The following FRAS1 variants were observed in gnomAD, a reference collection of about 807,000 sequenced individuals.
FRAS1 encodes the protein extracellular matrix organizing protein FRAS1.
FRAS1 carries 290 observed loss-of-function variants against 435.2 expected under a neutral mutation model. The ratio of observed to expected loss-of-function variants is 0.67; its 90% CI spans 0.61 to 0.73. The LOEUF (loss-of-function observed/expected upper bound fraction) is 0.73, where lower values mean the gene tolerates loss of function less well. FRAS1 is among the 30% of genes least tolerant of loss of function. FRAS1 has a pLI of 0.00. For missense variants in FRAS1, 4,860 were observed against 5,001.5 expected (o/e 0.97, Z 0.85); for synonymous variants, 1,800 against 1,851.0 (o/e 0.97, Z 0.71).
chr4:78,150,281 A>G (rs1720591272), intron 2 of FRAS1, among the ~76,000 whole-genome samples: 1 of 152,178 alleles, frequency 6.6e-6, no homozygotes, highest in South Asian at 2.1e-4. Context: ...GTAGTTTTCA[A>G]ACTTCTTTTA....
At chr4:78,319,849 A>G (rs1456175154) in intron 18 of FRAS1, among the ~76,000 whole-genome samples, 1 of 152,236 alleles carries the variant, frequency 6.6e-6, no homozygotes, top group Non-Finnish European at 1.5e-5. Context: ...AGACTAGGTT[A>G]AAAGATTTCA....
intron 2 of FRAS1, among the ~76,000 whole-genome samples, chr4:78,073,978 T>A (rs908147753): frequency 2.0e-5 from 3 of 152,146 alleles, no homozygotes; most frequent in African/African-American, 7.2e-5. Context: ...TTCCCAGAGT[T>A]TATAAGCTAA....
intron 14 of FRAS1, among the ~76,000 whole-genome samples, chr4:78,300,628 T>A (rs1242857205): frequency 6.6e-6 from 1 of 152,096 alleles, no homozygotes; most frequent in Non-Finnish European, 1.5e-5. Flanking sequence ...AACATGTCAA[T>A]CAGATCTTGT....
At chr4:78,489,828 C>T (rs1418698340) in intron 59 of FRAS1, among the ~76,000 whole-genome samples, 1 of 152,014 alleles carries the variant, frequency 6.6e-6, no homozygotes, top group Admixed American at 6.6e-5. Flanking sequence ...GCACCCCTGT[C>T]CCAGGGAAAC....
At chr4:78,502,320 T>A (rs1720710757) in intron 61 of FRAS1, among the ~76,000 whole-genome samples, 1 of 152,220 alleles carries the variant, frequency 6.6e-6, no homozygotes, top group South Asian at 2.1e-4. Flanking sequence ...AGTATGGCCA[T>A]TTTCACGATA....
rs760405597 is a variant in FRAS1, at chr4:78,522,741, C to T, written c.10741C>T (p.Leu3581=). 1.9e-6 allele frequency: 3 copies of T among 1,612,398 alleles called. No homozygotes were observed. The Admixed American group carries it at 5.0e-5, about 27-fold the overall frequency. Residue 3581 remains leucine, a synonymous_variant, in exon 69 of 74, where the codon CTA becomes TTA. Coordinates refer to ENST00000512123, the MANE Select transcript of FRAS1 (RefSeq NM_025074.7). The part of the protein sequence containing the change: ...HLGGIEFDLQ[L]LWSAQTFDSP... ...AGGAGGAATTGAATTTGACTTGCAG[C>T]TATTATGGAGCGCTCAGACTTTTGA...
At chr4:78,123,357 C>T (rs113202878) in intron 2 of FRAS1, among the ~76,000 whole-genome samples, 1 of 152,142 alleles carries the variant, frequency 6.6e-6, no homozygotes, top group Non-Finnish European at 1.5e-5. Flanking sequence ...GGTACCAGTA[C>T]CGTGCTGTTT....
At chr4:78,275,370 GTTATT>G (rs920686076) in intron 9 of FRAS1, among the ~76,000 whole-genome samples, 2 of 152,148 alleles carry the variant, frequency 1.3e-5, no homozygotes, top group African/African-American at 4.8e-5. Flanking sequence ...ATGTTAGCTG[GTTATT>G]TTGCTTGTTA....
intron 2 of FRAS1, among the ~76,000 whole-genome samples, chr4:78,206,625 G>A (rs1401946906): frequency 1.3e-5 from 2 of 152,110 alleles, no homozygotes; most frequent in Admixed American, 6.5e-5. Flanking sequence ...CACCTCTTGT[G>A]CAAATGTTCC....
chr4:78,069,348 G>C (rs533239940), intron 2 of FRAS1, among the ~76,000 whole-genome samples: 1 of 152,334 alleles, frequency 6.6e-6, no homozygotes, highest in Non-Finnish European at 1.5e-5. Context: ...AAGCAAATGA[G>C]AGCATGGATT....
chr4:78,532,565 A>G (rs957955398), intron 70 of FRAS1, among the ~76,000 whole-genome samples: 1 of 152,202 alleles, frequency 6.6e-6, no homozygotes, highest in Non-Finnish European at 1.5e-5. Context: ...AATGTCCAGT[A>G]CATAATATTA....
intron 2 of FRAS1, among the ~76,000 whole-genome samples, chr4:78,153,465 A>T (rs1310927385): frequency 6.6e-6 from 1 of 152,212 alleles, no homozygotes; most frequent in East Asian, 1.9e-4. Context: ...CTAAATTCTT[A>T]TTTGATGGAT....
intron 6 of FRAS1, among the ~76,000 whole-genome samples, chr4:78,259,400 T>A (rs1473167242): frequency 6.8e-6 from 1 of 146,280 alleles, no homozygotes; most frequent in Non-Finnish European, 1.5e-5. Context: ...ATTGCCATTC[T>A]GACTGGTGTG....
At chr4:78,080,868 C>T (rs1320054442) in intron 2 of FRAS1, among the ~76,000 whole-genome samples, 3 of 152,172 alleles carry the variant, frequency 2.0e-5, no homozygotes, top group Admixed American at 6.5e-5. Context: ...TGTCCCAGGA[C>T]GTCTTACTGA....
chr4:78,174,614 C>G (rs1721687822), intron 2 of FRAS1, among the ~76,000 whole-genome samples: 1 of 152,200 alleles, frequency 6.6e-6, no homozygotes, highest in African/African-American at 2.4e-5. Flanking sequence ...AACTGTCTAA[C>G]AATTAAGATA....
At chr4:78,268,517 G>A (rs1291329665) in intron 9 of FRAS1, among the ~76,000 whole-genome samples, 1 of 152,218 alleles carries the variant, frequency 6.6e-6, no homozygotes, top group East Asian at 1.9e-4. Context: ...TGTTGTCTCT[G>A]TCGGGCTGAG....
At position 78,315,521 on chromosome 4, in the gene FRAS1, T is replaced by C. The variant is rs1035546237; in HGVS notation, c.1679-73T>C. 4 of 1,457,132 alleles carry C rather than the reference T, an allele frequency of 2.7e-6. No individual in the cohort carries two copies. The African/African-American group carries it at 4.3e-5, about 16-fold the overall frequency. 90.3% of individuals were successfully genotyped at this position (1,457,132 alleles called of 1,614,324 possible). ...TGATATTGATACCCATTGTGGATAT[T>C]GTAAAGAATAGACTTCACTGCTTCT... On this transcript the variant is annotated intron_variant, in intron 15 of 73. Transcript: ENST00000512123.
chr4:78,128,035 G>A (rs928451816), intron 2 of FRAS1, among the ~76,000 whole-genome samples: 15 of 151,752 alleles, frequency 9.9e-5, no homozygotes, highest in Non-Finnish European at 5.9e-5. Context: ...AGTTTGCTGA[G>A]GATGATGGTT....
intron 41 of FRAS1, among the ~76,000 whole-genome samples, chr4:78,442,174 G>C (rs773435940): frequency 6.6e-6 from 1 of 152,192 alleles, no homozygotes; most frequent in Non-Finnish European, 1.5e-5. Flanking sequence ...CAGAAGTTTT[G>C]GATCCTTTTC....
Sources: gnomAD v4.1 joint callset for allele counts (sites outside exome capture counted in the v4.1 genomes callset) on GRCh38, gnomAD v4.1.1 for gene constraint, MANE v1.5 for transcripts, NCBI Gene and HGNC (gene_info 2026-07-23, HGNC 2026-07-21) for gene names.